The following CAPZB variants were observed in gnomAD, a reference collection of about 807,000 sequenced individuals.
CAPZB encodes capping actin protein of muscle Z-line subunit beta, also known as F-actin-capping protein subunit beta.
CAPZB carries 2 observed loss-of-function variants against 38.1 expected under a neutral mutation model. That is an observed-to-expected ratio of 0.05 (90% CI 0.02 to 0.17). The LOEUF is 0.17. Among genes scored for constraint, CAPZB ranks in the 10% least tolerant of loss-of-function variants. The pLI is 1.00. For missense variants in CAPZB, 161 were observed against 334.2 expected (o/e 0.48, Z 4.04); for synonymous variants, 107 against 127.4 (o/e 0.84, Z 1.08).
At chr1:19,424,839 T>C (rs12036866) in intron 1 of CAPZB, among the ~76,000 whole-genome samples, 47,325 of 152,144 alleles carry the variant, frequency 0.31, 7,546 homozygotes, top group Middle Eastern at 0.4. Flanking sequence ...ATTTGGCCGC[T>C]TGCAGGCCAG....
chr1:19,343,156 T>C (rs550440650), intron 8 of CAPZB, among the ~76,000 whole-genome samples: 1 of 152,208 alleles, frequency 6.6e-6, no homozygotes, highest in East Asian at 1.9e-4. Context: ...GAAAGTGTGT[T>C]TGGTGTATCG....
intron 1 of CAPZB, chr1:19,448,756 G>C: frequency 6.5e-7 from 1 of 1,528,920 alleles, no homozygotes; most frequent in Non-Finnish European, 9.0e-7. Context: ...CCTTCACCCT[G>C]GCAGTTAACA....
At chr1:19,343,433 G>A (rs2093943403) in intron 8 of CAPZB, among the ~76,000 whole-genome samples, 1 of 152,214 alleles carries the variant, frequency 6.6e-6, no homozygotes, top group Non-Finnish European at 1.5e-5. Flanking sequence ...TGGGTGAGAG[G>A]GCTGGCCGCT....
At position 19,345,205 on chromosome 1, in the gene CAPZB, G is replaced by A; in HGVS notation, c.636C>T (p.Asn212=). The change falls in exon 7 of 9, where the codon AAC becomes AAT. Residue 212 remains asparagine (N), a synonymous_variant. Coordinates refer to ENST00000264202, the MANE Select transcript of CAPZB (RefSeq NM_004930.5). ...TVSDCSPHIA[N]IGRLVEDMEN... ...CACTCACCTCTACCAGGCGCCCGAT[G>A]TTGGCTATGTGTGGGGAGCAGTCAC... 6.2e-7 allele frequency: 1 copy of A among 1,614,008 alleles called. No individual in the cohort carries two copies. Among genetic ancestry groups the A allele is most frequent in the South Asian group, 1.1e-5 (1 of 91,080 alleles).
intron 6 of CAPZB, among the ~76,000 whole-genome samples, chr1:19,346,475 A>G (rs902372160): frequency 2.8e-5 from 4 of 142,874 alleles, no homozygotes; most frequent in East Asian, 2.0e-4. Context: ...AAAAAAAAAA[A>G]AAAGAAAGGG....
At chr1:19,369,429 G>A (rs934098520) in intron 4 of CAPZB, among the ~76,000 whole-genome samples, 3 of 152,252 alleles carry the variant, frequency 2.0e-5, no homozygotes, top group Non-Finnish European at 4.4e-5. Flanking sequence ...ATAGAGGTGG[G>A]CTTGGGTTTC....
At chr1:19,394,261 C>T (rs185872738) in intron 2 of CAPZB, among the ~76,000 whole-genome samples, 1 of 151,728 alleles carries the variant, frequency 6.6e-6, no homozygotes, top group African/African-American at 2.4e-5. Context: ...GCTGGGATTA[C>T]AGGCATGAGC....
intron 1 of CAPZB, among the ~76,000 whole-genome samples, chr1:19,463,336 G>T (rs963135399): frequency 6.6e-6 from 1 of 152,170 alleles, no homozygotes; most frequent in Admixed American, 6.5e-5. Flanking sequence ...CTTTAACACA[G>T]TTCGGCAACC....
intron 1 of CAPZB, among the ~76,000 whole-genome samples, chr1:19,441,969 A>G (rs1250283742): frequency 7.2e-6 from 1 of 138,480 alleles, no homozygotes; most frequent in East Asian, 2.2e-4. Flanking sequence ...AGATTGTGCC[A>G]CTGCACTCCA....
At chr1:19,437,542 G>T (rs1207661370) in intron 1 of CAPZB, among the ~76,000 whole-genome samples, 1 of 152,156 alleles carries the variant, frequency 6.6e-6, no homozygotes, top group African/African-American at 2.4e-5. Context: ...AAGTCCGCTA[G>T]CCTCGAAAGC....
intron 3 of CAPZB, among the ~76,000 whole-genome samples, chr1:19,382,145 C>G (rs1224492759): frequency 6.6e-6 from 1 of 152,212 alleles, no homozygotes; most frequent in Non-Finnish European, 1.5e-5. Flanking sequence ...AAGAGCCCAT[C>G]TTTCGGGCAG....
Position 19,357,784 on chromosome 1 carries a change from G to T in CAPZB, c.330-221C>A, listed in dbSNP as rs1272755625. On this transcript the variant is annotated intron_variant, in intron 4 of 8. Coordinates refer to ENST00000264202, the MANE Select transcript of CAPZB (RefSeq NM_004930.5). This position sits in a 1 kb window ranked among gnomAD's most constrained non-coding sequence, Gnocchi z 4.3. ...TAGGCGTCATAAAGATGAATCTGAG[G>T]TTGGACTCTGCCACCTCCTCTATCT... 1.3e-5 allele frequency among the ~76,000 whole-genome samples: 2 copies of T among 152,056 alleles called. No homozygotes were observed. The highest frequency in any genetic ancestry group is 4.8e-5 in the African/African-American group (2 of 41,406).
rs2094167214 is a variant in CAPZB at position 19,380,300 on chromosome 1, T to TA, written c.216-1648_216-1647insT. Among the ~76,000 whole-genome samples the TA allele has an allele frequency of 3.3e-5, 5 of 152,304 alleles. No individual in the cohort carries two copies. In the East Asian group the frequency reaches 9.6e-4, roughly 29 times the overall value. ...CTCAAAGCAGAAGGAGCCTTGGAAA[T>TA]CCTTGTTTCCAAGCTGACCACTTTC... is the stretch of plus-strand genomic sequence containing the variant. On this transcript the variant is annotated intron_variant, in intron 3 of 8. Coordinates refer to ENST00000264202, the MANE Select transcript of CAPZB (RefSeq NM_004930.5).
chr1:19,458,598 C>T (rs982132024), intron 1 of CAPZB, among the ~76,000 whole-genome samples: 1 of 152,204 alleles, frequency 6.6e-6, no homozygotes, highest in Non-Finnish European at 1.5e-5. Flanking sequence ...TCAGGTGATC[C>T]GCTCGCCTCA....
rs143502652 is a variant in CAPZB, at chr1:19,343,712, C to T, written c.731+646G>A. 2.4e-4 allele frequency among the ~76,000 whole-genome samples: 36 copies of T among 152,348 alleles called. 1 individual carries two copies. Among genetic ancestry groups the T allele is most frequent in the African/African-American group, 7.9e-4 (33 of 41,590 alleles). ...GAGGCCTGCCTCCTGCTCTGTCCGC[C>T]GTGGACCTGGAGGGTCCAGAGAGCG... On this transcript the variant is annotated intron_variant, in intron 8 of 8. Coordinates refer to ENST00000264202, the MANE Select transcript of CAPZB (RefSeq NM_004930.5).
intron 1 of CAPZB, among the ~76,000 whole-genome samples, chr1:19,452,347 G>A (rs1007274102): frequency 4.6e-5 from 7 of 152,338 alleles, no homozygotes; most frequent in African/African-American, 1.4e-4. Flanking sequence ...CTGGGACATA[G>A]GCTCCAGGGG....
chr1:19,449,408 A>G (rs1271040557), intron 1 of CAPZB: 1 of 876,480 alleles, frequency 1.1e-6, no homozygotes, highest in African/African-American at 1.8e-5. Context: ...AGGTGAGGAA[A>G]GAACCAGCAG....
At chr1:19,417,827 A>G (rs2094386474) in intron 2 of CAPZB, among the ~76,000 whole-genome samples, 1 of 152,164 alleles carries the variant, frequency 6.6e-6, no homozygotes, top group African/African-American at 2.4e-5. Context: ...TCTAACGTGC[A>G]GCCCAATGTT....
chr1:19,476,208 ATAGATAG>A (rs1558296511), intron 1 of CAPZB, among the ~76,000 whole-genome samples: 1 of 142,360 alleles, frequency 7.0e-6, no homozygotes, highest in East Asian at 1.9e-4. Flanking sequence ...AGATAGATAG[ATAGATAG>A]ATAGATAGAT....
Sources: allele counts gnomAD v4.1 joint callset (sites outside exome capture counted in the v4.1 genomes callset), GRCh38; gene constraint gnomAD v4.1.1; non-coding constraint Gnocchi (gnomAD v3.1); transcripts MANE v1.5; gene names NCBI Gene and HGNC (gene_info 2026-07-23, HGNC 2026-07-21).